Variants in SLC4A8 observed in about 807,000 individuals in gnomAD.
The protein encoded by SLC4A8 is electroneutral sodium bicarbonate exchanger 1.
A neutral mutation model predicts 125.0 loss-of-function variants in SLC4A8; 40 were observed. The ratio of observed to expected loss-of-function variants is 0.32; its 90% CI spans 0.25 to 0.42. The LOEUF is 0.42. Among genes scored for constraint, SLC4A8 ranks in the 10% least tolerant of loss-of-function variants. The pLI is 1.00. For missense variants in SLC4A8, 863 were observed against 1,355.1 expected (o/e 0.64, Z 5.70); for synonymous variants, 456 against 476.0 (o/e 0.96, Z 0.55).
intron 9 of SLC4A8, 90 bp from the exon 10 acceptor site, chr12:51,462,220 C>G (rs2138247274): frequency 8.4e-7 from 1 of 1,191,628 alleles, no homozygotes; most frequent in Non-Finnish European, 1.2e-6. Context: ...TAAAAATCAA[C>G]AGGTTGTATT....
At chr12:51,430,028 G>A (rs1300480810) in intron 1 of SLC4A8, among the ~76,000 whole-genome samples, 1 of 152,022 alleles carries the variant, frequency 6.6e-6, no homozygotes, top group Non-Finnish European at 1.5e-5. Context: ...AAGTGGTGCT[G>A]GGGACTGAAG....
Position 51,509,537 on chromosome 12 carries a change from A to G in SLC4A8, c.*2099A>G, listed in dbSNP as rs1938290607. 1 of 152,062 alleles carries G rather than the reference A, an allele frequency of 6.6e-6. No homozygotes were observed. Among genetic ancestry groups the G allele is most frequent in the Non-Finnish European group, 1.5e-5 (1 of 68,038 alleles). The allele number at this position is 152,062 out of a possible 1,614,324, so 9.4% of individuals were successfully genotyped here. On this transcript the variant is annotated 3_prime_UTR_variant, in exon 25 of 25. Transcript: ENST00000453097. ...GAGAACATCTCCCCTTTCTTGCTCT[A>G]TCTTGCCCCTCCCATCTTTTCCTGC... is the stretch of plus-strand genomic sequence containing the variant.
chr12:51,407,422 A>T (rs1367001875), intron 1 of SLC4A8, among the ~76,000 whole-genome samples: 4 of 150,952 alleles, frequency 2.6e-5, no homozygotes, highest in African/African-American at 9.9e-5. Flanking sequence ...TACCTGGCTA[A>T]TTATAAAAAA....
chr12:51,439,771 C>T (rs1445184714), intron 1 of SLC4A8, among the ~76,000 whole-genome samples: 1 of 152,140 alleles, frequency 6.6e-6, no homozygotes, highest in African/African-American at 2.4e-5. Flanking sequence ...GGTAGGCACT[C>T]ATACATGTGG....
intron 1 of SLC4A8, among the ~76,000 whole-genome samples, chr12:51,432,729 A>G (rs1949236756): frequency 6.6e-6 from 1 of 152,192 alleles, no homozygotes; most frequent in Non-Finnish European, 1.5e-5. Flanking sequence ...CTCAAAACAA[A>G]CAAACAAACA....
chr12:51,405,919 A>C (rs955686581), intron 1 of SLC4A8, among the ~76,000 whole-genome samples: 4 of 152,252 alleles, frequency 2.6e-5, no homozygotes, highest in Non-Finnish European at 4.4e-5. Context: ...CCATGTCATG[A>C]TGCCTATAAT....
intron 1 of SLC4A8, among the ~76,000 whole-genome samples, chr12:51,412,246 G>C (rs745563540): frequency 1.3e-5 from 2 of 151,712 alleles, no homozygotes; most frequent in African/African-American, 2.4e-5. Context: ...TATATCAATT[G>C]GATCATATGA....
chr12:51,492,559 C>T (rs910188403), intron 19 of SLC4A8, among the ~76,000 whole-genome samples: 1 of 152,194 alleles, frequency 6.6e-6, no homozygotes, highest in Non-Finnish European at 1.5e-5. Context: ...CCCCTAGCTG[C>T]TTCAGGACAA....
chr12:51,457,355 G>C lies in SLC4A8; in HGVS notation c.579G>C (p.Leu193=). The C allele has an allele frequency of 1.2e-6, 2 of 1,613,438 alleles. No individual in the cohort carries two copies. The highest frequency in any genetic ancestry group is 1.7e-6 in the Non-Finnish European group (2 of 1,179,624). The stretch of plus-strand genomic sequence containing the variant: ...ATGTGAGTGCCTGCTTTCCAGACCT[G>C]ATCCTGGATCAGCAAGAACTGTCCA... ...HANSIEEISD[L]ILDQQELSSD... Residue 193 remains leucine, a synonymous_variant, in exon 6 of 25, where the codon CTG becomes CTC. Coordinates refer to ENST00000453097, the MANE Select transcript of SLC4A8 (RefSeq NM_001039960.3).
chr12:51,436,606 GTTAT>G (rs1057009909), intron 1 of SLC4A8, among the ~76,000 whole-genome samples: 3 of 151,728 alleles, frequency 2.0e-5, no homozygotes, highest in African/African-American at 4.8e-5. Context: ...TCTTTTATTT[GTTAT>G]TTATTTATTT....
upstream of SLC4A8, among the ~76,000 whole-genome samples, chr12:51,422,915 T>C (rs1948824101): frequency 6.6e-6 from 1 of 152,240 alleles, no homozygotes; most frequent in South Asian, 2.1e-4. Context: ...GCAATCTTCA[T>C]GGTTTATATA....
chr12:51,415,424 A>G (rs1391231766), intron 1 of SLC4A8, among the ~76,000 whole-genome samples: 1 of 152,116 alleles, frequency 6.6e-6, no homozygotes, highest in Non-Finnish European at 1.5e-5. Context: ...GGTATCTGTT[A>G]CTGCTCTGTT....
chr12:51,478,457 A>C lies in SLC4A8; in HGVS notation c.2172+3251A>C, dbSNP rs553907254. ...CCATCTTAAAAAAAAAAAATTACAG[A>C]CGCAAAGAAACTTTATATGATATTA... On this transcript the variant is annotated intron_variant, in intron 16 of 24. Transcript: ENST00000453097. Among the ~76,000 whole-genome samples, 13 of 151,994 alleles carry C rather than the reference A, an allele frequency of 8.6e-5. 1 individual carries two copies. The South Asian group carries it at 2.7e-3, about 32-fold the overall frequency.
At chr12:51,457,647 T>A in intron 6 of SLC4A8, 108 bp downstream of exon 6, 1 of 1,037,112 alleles carries the variant, frequency 9.6e-7, no homozygotes. Flanking sequence ...TATGTTTCCA[T>A]GTCCACTTAG....
At chr12:51,443,842 C>T (rs1016985732) in intron 2 of SLC4A8, among the ~76,000 whole-genome samples, 1 of 152,188 alleles carries the variant, frequency 6.6e-6, no homozygotes, top group Non-Finnish European at 1.5e-5. Context: ...TGTGCGTGTA[C>T]TGCATTGTAC....
intron 2 of SLC4A8, among the ~76,000 whole-genome samples, chr12:51,445,802 G>A (rs1382124875): frequency 6.6e-6 from 1 of 151,634 alleles, no homozygotes; most frequent in Non-Finnish European, 1.5e-5. Context: ...ACCTTATTTG[G>A]TTCATAGTAA....
At chr12:51,392,320 T>C (rs1592377211) in intron 1 of SLC4A8, among the ~76,000 whole-genome samples, 1 of 152,140 alleles carries the variant, frequency 6.6e-6, no homozygotes, top group Middle Eastern at 3.4e-3. Context: ...ATGCCTGTAA[T>C]CCCAGTACTT....
At chr12:51,428,796 G>A (rs1369687351) in intron 1 of SLC4A8, among the ~76,000 whole-genome samples, 1 of 152,156 alleles carries the variant, frequency 6.6e-6, no homozygotes, top group Non-Finnish European at 1.5e-5. Flanking sequence ...TGTTTTTCAT[G>A]CATTATCTCA....
In SLC4A8 at chr12:51,510,378, C is replaced by G. The variant is rs1052592804; in HGVS notation, c.*2940C>G. On this transcript the variant is annotated 3_prime_UTR_variant, in exon 25 of 25. Transcript: ENST00000453097. ...GGCAGAGCTTGCAGTGAGCCGAGAT[C>G]ATGCCACTGCACTCCAGCCTGGGTG... 4 of 138,166 alleles carry G rather than the reference C, an allele frequency of 2.9e-5. No homozygotes were observed. The highest frequency in any genetic ancestry group is 6.1e-5 in the Non-Finnish European group (4 of 65,974). The allele number at this position is 138,166 out of a possible 1,614,324, so 8.6% of individuals were successfully genotyped here. A position where few individuals can be genotyped will look rare whatever the true frequency, so the allele number is the denominator to read the frequency against.
Sources: allele counts gnomAD v4.1 joint callset (sites outside exome capture counted in the v4.1 genomes callset), GRCh38; gene constraint gnomAD v4.1.1; transcripts MANE v1.5; gene names NCBI Gene and HGNC (gene_info 2026-07-23, HGNC 2026-07-21).